Variants in CLIP2 observed in about 807,000 individuals in gnomAD.
The protein encoded by CLIP2 is CAP-Gly domain-containing linker protein 2.
Under a neutral mutation model 111.7 loss-of-function variants are expected in CLIP2, and 41 were observed. The observed-to-expected ratio is 0.37, with a 90% CI of 0.29 to 0.48. The LOEUF is 0.48. CLIP2 is among the 20% of genes least tolerant of loss of function. The probability of loss-of-function intolerance (pLI) is 0.99; values close to 1 mark genes in which losing one functional copy is unlikely to be tolerated. For missense variants in CLIP2, 1,160 were observed against 1,422.1 expected (o/e 0.82, Z 2.96); for synonymous variants, 660 against 644.2 (o/e 1.02, Z -0.37).
Position 74,356,512 on chromosome 7 carries a change from G to C in CLIP2, c.906G>C (p.Lys302Asn). 6.2e-7 allele frequency: 1 copy of C among 1,614,240 alleles called. No homozygotes were observed. The highest frequency in any genetic ancestry group is 8.5e-7 in the Non-Finnish European group (1 of 1,180,052). ...STSPAKAKKT[K>N]RMAMGVSALT... The stretch of plus-strand genomic sequence containing the variant: ...GCCCAGCCAAGGCCAAGAAGACCAA[G>C]CGTATGGCCATGGGTGTGTCAGCAC... Residue 302 changes from lysine (K) to asparagine (N), a missense_variant, in exon 5 of 17, where the codon AAG becomes AAC. Physicochemically the swap from Lys to Asn is moderately conservative, Grantham distance 94. Transcript: ENST00000223398.
intron 8 of CLIP2, chr7:74,364,985 G>T: frequency 2.5e-6 from 1 of 403,276 alleles, no homozygotes; most frequent in Non-Finnish European, 5.0e-6. Flanking sequence ...GATTGCGCCT[G>T]TTTTTTGTTG....
chr7:74,306,943 G>A (rs552698156), intron 1 of CLIP2, among the ~76,000 whole-genome samples: 1 of 152,184 alleles, frequency 6.6e-6, no homozygotes, highest in Non-Finnish European at 1.5e-5. Context: ...CTCCCACGTC[G>A]GCCACAGTGT....
At position 74,400,417 on chromosome 7, in the gene CLIP2, C is replaced by T. The variant is rs782202505; in HGVS notation, c.2928C>T (p.Asp976=). 8 of 1,613,688 alleles carry T rather than the reference C, an allele frequency of 5.0e-6. No individual in the cohort carries two copies. In the South Asian group the frequency reaches 8.8e-5, roughly 18 times the overall value. The part of the protein sequence containing the change: ...LSDQRRYSLI[D]RSSAPELLRL... ...ATCAGAGGCGCTACTCCCTCATCGA[C>T]CGGTCCTCGGCGCCCGAGCTTCTGC... is the stretch of plus-strand genomic sequence containing the variant. The change falls in exon 15 of 17, where the codon GAC becomes GAT. Residue 976 remains aspartate (D), a synonymous_variant. Coordinates refer to ENST00000223398, the MANE Select transcript of CLIP2 (RefSeq NM_003388.5).
chr7:74,295,511 C>G (rs906416382), intron 1 of CLIP2, among the ~76,000 whole-genome samples: 16 of 152,102 alleles, frequency 1.1e-4, no homozygotes, highest in Non-Finnish European at 1.9e-4. Context: ...CTAGCCTGTT[C>G]CCTTTTGTAA....
intron 1 of CLIP2, among the ~76,000 whole-genome samples, chr7:74,309,409 A>T (rs1788584036): frequency 6.6e-6 from 1 of 152,184 alleles, no homozygotes; most frequent in Non-Finnish European, 1.5e-5. Flanking sequence ...ACTACCCAGA[A>T]AGTTCTCTGT....
intron 10 of CLIP2, among the ~76,000 whole-genome samples, chr7:74,379,726 A>G (rs1554313577): frequency 6.6e-6 from 1 of 152,090 alleles, no homozygotes; most frequent in Non-Finnish European, 1.5e-5. Flanking sequence ...AGATCACGCC[A>G]CTGCACTCCA....
intron 8 of CLIP2, among the ~76,000 whole-genome samples, chr7:74,372,048 T>C (rs1790640965): frequency 6.6e-6 from 1 of 152,074 alleles, no homozygotes; most frequent in Non-Finnish European, 1.5e-5. Context: ...CCCTCTGGCT[T>C]CTCCCTAAGA....
At chr7:74,304,419 G>A (rs1397338934) in intron 1 of CLIP2, among the ~76,000 whole-genome samples, 5 of 151,988 alleles carry the variant, frequency 3.3e-5, no homozygotes, top group East Asian at 2.0e-4. Flanking sequence ...CCAGCTACTC[G>A]GGAGGCTGAG....
rs782355876 is a variant in CLIP2 at position 74,357,462 on chromosome 7, G to C, written c.1200G>C (p.Lys400Asn). ...CEVEKEIALL[K>N]AQHEQYVAEA... ...TGGAGAAGGAGATTGCCCTGCTCAA[G>C]GCACAGCATGAGCAGGTGAGTGGCA... The change falls in exon 6 of 17, where the codon AAG becomes AAC. Residue 400 changes from lysine (K) to asparagine (N), a missense_variant. Coordinates refer to ENST00000223398, the MANE Select transcript of CLIP2 (RefSeq NM_003388.5). 5 of 1,613,118 alleles carry C rather than the reference G, an allele frequency of 3.1e-6. No individual in the cohort carries two copies. The Admixed American group carries it at 8.4e-5, about 27-fold the overall frequency.
chr7:74,390,061 CG>C (rs1424701388), intron 13 of CLIP2, among the ~76,000 whole-genome samples: 13 of 140,826 alleles, frequency 9.2e-5, no homozygotes, highest in African/African-American at 2.4e-4. Context: ...GCACTCCAGC[CG>C]GGGCAATAGA....
intron 1 of CLIP2, among the ~76,000 whole-genome samples, chr7:74,313,593 A>G (rs1184560955): frequency 6.7e-6 from 1 of 149,932 alleles, no homozygotes; most frequent in Non-Finnish European, 1.5e-5. Context: ...CCAAGTGGCC[A>G]GCTTCAGGCT....
chr7:74,390,217 GAAAGAAAGGATT>G (rs782076013), intron 13 of CLIP2, among the ~76,000 whole-genome samples: 4,518 of 86,522 alleles, frequency 0.052, 123 homozygotes, highest in Non-Finnish European at 0.079. Context: ...AAGAAAGAAA[GAAAGAAAGGATT>G]AATGCCTCCC....
At chr7:74,372,132 T>G (rs1554311983) in intron 8 of CLIP2, among the ~76,000 whole-genome samples, 1 of 152,102 alleles carries the variant, frequency 6.6e-6, no homozygotes. Flanking sequence ...TTCTGTGAAA[T>G]GCAAAAGCCA....
chr7:74,375,913 C>A lies in CLIP2; in HGVS notation c.1512C>A (p.Arg504=), dbSNP rs1441566822. 1 of 1,580,546 alleles carries A rather than the reference C, an allele frequency of 6.3e-7. No individual in the cohort carries two copies. Among genetic ancestry groups the A allele is most frequent in the Non-Finnish European group, 8.6e-7 (1 of 1,165,128 alleles). Residue 504 remains arginine, a synonymous_variant, in exon 10 of 17, where the codon CGC becomes CGA. Transcript: ENST00000223398. ...NRLTTVAEKS[R]VLQLEEELTL... ...TGACCACAGTGGCCGAGAAGTCGCG[C>A]GTGCTGCAGCTGGAGGAGGAGCTCA... is the stretch of plus-strand genomic sequence containing the variant.
chr7:74,360,829 GTT>G (rs1790307247), intron 7 of CLIP2, among the ~76,000 whole-genome samples: 1 of 152,266 alleles, frequency 6.6e-6, no homozygotes, highest in Admixed American at 6.5e-5. Flanking sequence ...GGCATGAACC[GTT>G]GTGCCTGGCC....
rs368657404 is a variant in CLIP2 at position 74,376,032 on chromosome 7, G to A, written c.1631G>A (p.Arg544Gln). 49 of 1,612,870 alleles carry A rather than the reference G, an allele frequency of 3.0e-5. No homozygotes were observed. Among genetic ancestry groups the A allele is most frequent in the Admixed American group, 1.3e-4 (8 of 59,944 alleles). The part of the protein sequence containing the change: ...PDHPDAAEIL[R>Q]LRERLLSASK... Reference sequence around the variant, plus strand: ...CACCCAGACGCCGCCGAGATCCTGCGGCTACGGGAGCGGCTGCTCTCGGCC... The same window carrying A: ...CACCCAGACGCCGCCGAGATCCTGCAGCTACGGGAGCGGCTGCTCTCGGCC... Residue 544 changes from arginine to glutamine, a missense_variant, in exon 10 of 17, where the codon CGG (arginine) becomes CAG (glutamine). This residue lies in a region of CLIP2 where 676 missense variants were observed against 777.8 expected (regional missense o/e 0.87). Coordinates refer to ENST00000223398, the MANE Select transcript of CLIP2 (RefSeq NM_003388.5). This position sits in a 1 kb window ranked among gnomAD's most constrained non-coding sequence, Gnocchi z 7.1.
At chr7:74,321,659 A>G (rs1788956005) in intron 2 of CLIP2, among the ~76,000 whole-genome samples, 2 of 151,928 alleles carry the variant, frequency 1.3e-5, no homozygotes, top group Admixed American at 6.6e-5. Flanking sequence ...TAGTAGAGAC[A>G]GGGTTTCATC....
At chr7:74,317,367 G>C in intron 1 of CLIP2, 113 bp from the exon 2 acceptor site, 1 of 619,544 alleles carries the variant, frequency 1.6e-6, no homozygotes, top group Non-Finnish European at 2.3e-6. Context: ...AGGTTAAATC[G>C]GGTGTTGCCT....
chr7:74,369,540 C>G (rs1215741043), intron 8 of CLIP2, among the ~76,000 whole-genome samples: 11 of 151,656 alleles, frequency 7.3e-5, no homozygotes, highest in African/African-American at 2.7e-4. Flanking sequence ...AAGACCCCAT[C>G]TCTAAAAATA....
Sources: gnomAD v4.1 joint callset for allele counts (sites outside exome capture counted in the v4.1 genomes callset) on GRCh38, gnomAD v4.1.1 for gene constraint, gnomAD v4.1.1 regional missense constraint, Gnocchi (gnomAD v3.1) non-coding constraint, MANE v1.5 for transcripts, NCBI Gene and HGNC (gene_info 2026-07-23, HGNC 2026-07-21) for gene names.